Variants in SLC25A32 observed in about 807,000 individuals in gnomAD.
SLC25A32 encodes Glycine auxotroph B, complementation of hamster.
SLC25A32 carries 32 observed loss-of-function variants against 39.0 expected under a neutral mutation model. That is an observed-to-expected ratio of 0.82 (90% confidence interval 0.62 to 1.10). The LOEUF is 1.10. SLC25A32 is among the 50% of genes least tolerant of loss of function. The pLI, the probability that SLC25A32 is intolerant of heterozygous loss-of-function variation, is 0.00. For missense variants in SLC25A32, 367 were observed against 395.3 expected (o/e 0.93, Z 0.61); for synonymous variants, 166 against 152.4 (o/e 1.09, Z -0.66).
intron 2 of SLC25A32, among the ~76,000 whole-genome samples, chr8:103,406,461 C>T (rs952976570): frequency 6.6e-6 from 1 of 152,216 alleles, no homozygotes; most frequent in Non-Finnish European, 1.5e-5. Context: ...GCACATGCTC[C>T]TGCAATACAG....
chr8:103,404,370 TG>T (rs1816280418), intron 3 of SLC25A32, among the ~76,000 whole-genome samples: 1 of 151,722 alleles, frequency 6.6e-6, no homozygotes, highest in Non-Finnish European at 1.5e-5. Flanking sequence ...CAGAGGCAGG[TG>T]GATCAAGAGG....
At chr8:103,410,621 A>G (rs1254312602) in intron 1 of SLC25A32, among the ~76,000 whole-genome samples, 2 of 152,184 alleles carry the variant, frequency 1.3e-5, no homozygotes, top group African/African-American at 4.8e-5. Context: ...GGTGCCAAAA[A>G]GGTTAGGGAC....
chr8:103,411,425 C>T (rs1334087567), intron 1 of SLC25A32, among the ~76,000 whole-genome samples: 2 of 152,030 alleles, frequency 1.3e-5, no homozygotes, highest in Non-Finnish European at 2.9e-5. Flanking sequence ...GCCCCCGAGA[C>T]AATCTCAGCA....
intron 2 of SLC25A32, among the ~76,000 whole-genome samples, chr8:103,406,163 T>C (rs1816329119): frequency 6.6e-6 from 1 of 151,784 alleles, no homozygotes. Flanking sequence ...AAGGGGGGTG[T>C]GTGTGTATAT....
intron 4 of SLC25A32, chr8:103,402,770 T>C (rs1816245016): frequency 6.6e-6 from 1 of 152,494 alleles, no homozygotes; most frequent in Admixed American, 6.5e-5. Context: ...AGATTTGAGA[T>C]GAATAAAAAA....
chr8:103,410,899 T>C (rs1279403766), intron 1 of SLC25A32, among the ~76,000 whole-genome samples: 3 of 152,188 alleles, frequency 2.0e-5, no homozygotes, highest in Non-Finnish European at 4.4e-5. Context: ...ACCTGTTTCA[T>C]TTGCTGGATG....
chr8:103,413,374 G>A (rs1563721180), intron 1 of SLC25A32, among the ~76,000 whole-genome samples: 1 of 152,174 alleles, frequency 6.6e-6, no homozygotes, highest in Non-Finnish European at 1.5e-5. Flanking sequence ...TACTTATAGA[G>A]GTAATACGGT....
In SLC25A32 at chr8:103,401,635, T is replaced by C. The variant is rs376664535; in HGVS notation, c.693A>G (p.Ala231=). 4.3e-6 allele frequency: 7 copies of C among 1,613,118 alleles called. No homozygotes were observed. The highest frequency in any genetic ancestry group is 2.2e-5 in the East Asian group (1 of 44,846). Residue 231 remains alanine, a synonymous_variant, in exon 6 of 7, where the codon GCA becomes GCG. Transcript: ENST00000297578. ...QLSTVEYISV[A]ALSKIFAVAA... Reference sequence around the variant, plus strand: ...CGACAGCAAATATTTTGGATAGTGCTGCAACAGATATATATTCTACTGTGC... The same window carrying C: ...CGACAGCAAATATTTTGGATAGTGCCGCAACAGATATATATTCTACTGTGC...
At chr8:103,400,795 GCTAT>G (rs1196658275) in intron 6 of SLC25A32, among the ~76,000 whole-genome samples, 2 of 152,150 alleles carry the variant, frequency 1.3e-5, no homozygotes, top group Non-Finnish European at 2.9e-5. Flanking sequence ...CTTTCAATTA[GCTAT>G]CTTTCAAATG....
intron 1 of SLC25A32, among the ~76,000 whole-genome samples, chr8:103,409,581 C>T (rs1393387611): frequency 6.6e-6 from 1 of 152,090 alleles, no homozygotes; most frequent in Non-Finnish European, 1.5e-5. Flanking sequence ...GTTACAAATA[C>T]GTATTGAACC....
Position 103,399,588 on chromosome 8 carries a change from TC to T in SLC25A32, c.*822del. The stretch of plus-strand genomic sequence containing the variant: ...TAAAGCATATTTACAGTGCATTTTT[TC>T]TCACTAAAATTTCCCAATTCTAAAA... On this transcript the variant is annotated 3_prime_UTR_variant, in exon 7 of 7. Transcript: ENST00000297578. 6.6e-6 allele frequency: 1 copy of T among 152,330 alleles called. No homozygotes were observed. Among genetic ancestry groups the T allele is most frequent in the African/African-American group, 2.4e-5 (1 of 41,570 alleles). 9.4% of individuals were successfully genotyped at this position (152,330 alleles called of 1,614,324 possible).
intron 1 of SLC25A32, 27 bp from the exon 2 acceptor site, chr8:103,407,811 G>C (rs1459588742): frequency 1.9e-6 from 3 of 1,604,528 alleles, no homozygotes; most frequent in Admixed American, 1.7e-5. Context: ...ACAAAGTCAG[G>C]TAAGAACAAA....
At position 103,399,559 on chromosome 8, in the gene SLC25A32, A is replaced by C. The variant is rs1816171997; in HGVS notation, c.*852T>G. 6.6e-6 allele frequency: 1 copy of C among 152,222 alleles called. No homozygotes were observed. The highest frequency in any genetic ancestry group is 1.5e-5 in the Non-Finnish European group (1 of 68,048). The allele number at this position is 152,222 out of a possible 1,614,324, so 9.4% of individuals were successfully genotyped here. ...TAGGTAGTGCATCCCAACTGAATTAAAACTAAAGCATATTTACAGTGCATT... is the reference window on the plus strand; with the variant it reads ...TAGGTAGTGCATCCCAACTGAATTACAACTAAAGCATATTTACAGTGCATT... On this transcript the variant is annotated 3_prime_UTR_variant, in exon 7 of 7. Transcript: ENST00000297578.
chr8:103,410,228 G>A (rs1258296721), intron 1 of SLC25A32, among the ~76,000 whole-genome samples: 2 of 152,030 alleles, frequency 1.3e-5, no homozygotes, highest in African/African-American at 4.8e-5. Flanking sequence ...TTGTTATATC[G>A]ATAAAATACA....
chr8:103,411,102 TTAAGGA>T (rs1816454255), intron 1 of SLC25A32, among the ~76,000 whole-genome samples: 3 of 152,206 alleles, frequency 2.0e-5, no homozygotes, highest in East Asian at 1.9e-4. Context: ...TTACAAGTAG[TTAAGGA>T]TAAGTAATGT....
intron 1 of SLC25A32, 134 bp downstream of exon 1, chr8:103,414,650 T>TAG: frequency 7.9e-7 from 1 of 1,272,978 alleles, no homozygotes. Context: ...TCCTCAAATC[T>TAG]AGTTCAGGTT....
At chr8:103,408,590 ATTCT>A (rs1816392434) in intron 1 of SLC25A32, among the ~76,000 whole-genome samples, 1 of 152,182 alleles carries the variant, frequency 6.6e-6, no homozygotes, top group Non-Finnish European at 1.5e-5. Flanking sequence ...TTTCCTGGAA[ATTCT>A]TTCTATCCTC....
intron 2 of SLC25A32, among the ~76,000 whole-genome samples, chr8:103,406,826 G>T (rs1176207215): frequency 1.3e-5 from 2 of 152,102 alleles, no homozygotes; most frequent in Non-Finnish European, 2.9e-5. Context: ...CAAATATCTT[G>T]GGAATCTGGT....
At chr8:103,414,610 C>G in intron 1 of SLC25A32, 174 bp downstream of exon 1, 1 of 859,992 alleles carries the variant, frequency 1.2e-6, no homozygotes, top group Non-Finnish European at 1.8e-6. Context: ...CGGGGAAGAT[C>G]GCAGGCCGAC....
Sources: allele counts gnomAD v4.1 joint callset (sites outside exome capture counted in the v4.1 genomes callset), GRCh38; gene constraint gnomAD v4.1.1; transcripts MANE v1.5; gene names NCBI Gene and HGNC (gene_info 2026-07-23, HGNC 2026-07-21).